Variants in MAU2 observed in about 807,000 individuals in gnomAD.
MAU2 encodes MAU2 chromatid cohesion factor homolog.
MAU2 carries 9 observed loss-of-function variants against 89.1 expected under a neutral mutation model. That is an observed-to-expected ratio of 0.10 (90% CI 0.06 to 0.18). The LOEUF (loss-of-function observed/expected upper bound fraction) is 0.18, where lower values mean the gene tolerates loss of function less well. MAU2 is among the 10% of genes least tolerant of loss of function. The pLI is 1.00. For missense variants in MAU2, 425 were observed against 803.5 expected, an observed-to-expected ratio of 0.53 and a Z score of 5.69; for synonymous variants, 357 against 343.4, an observed-to-expected ratio of 1.04 and a Z score of -0.44.
chr19:19,334,499 C>A, intron 1 of MAU2: 1 of 985,990 alleles, frequency 1.0e-6, no homozygotes, highest in Non-Finnish European at 1.2e-6. Flanking sequence ...AGCCCCAAGG[C>A]TGCCCCCAGC....
rs576677145 is a variant in MAU2 at position 19,353,977 on chromosome 19, G to A, written c.1549-378G>A. On this transcript the variant is annotated intron_variant, in intron 16 of 18. Transcript: ENST00000262815. ...TGGAAGACAAACCGGAGGGGCTGCTGCCCTTCTCAGAACCTGAAACCTGGA... is the reference window on the plus strand; with the variant it reads ...TGGAAGACAAACCGGAGGGGCTGCTACCCTTCTCAGAACCTGAAACCTGGA... 1.6e-5 allele frequency: 4 copies of A among 252,688 alleles called. No individual in the cohort carries two copies. The South Asian group carries it at 2.0e-4, about 13-fold the overall frequency. 15.7% of individuals were successfully genotyped at this position (252,688 alleles called of 1,614,324 possible). A position where few individuals can be genotyped will look rare whatever the true frequency, so the allele number is the denominator to read the frequency against.
Position 19,358,064 on chromosome 19 carries a change from G to T in MAU2, c.*2282G>T, listed in dbSNP as rs757949796. On this transcript the variant is annotated 3_prime_UTR_variant, in exon 19 of 19. Coordinates refer to ENST00000262815, the MANE Select transcript of MAU2 (RefSeq NM_015329.4). The stretch of plus-strand genomic sequence containing the variant: ...GACACTGCACTCCAGCCTGGGTGAC[G>T]GTGAGACTTTGTCTCAAAAAAAAAA... 1 of 150,794 alleles carries T rather than the reference G, an allele frequency of 6.6e-6. No individual in the cohort carries two copies. The highest frequency in any genetic ancestry group is 2.4e-5 in the African/African-American group (1 of 41,042). 9.3% of individuals were successfully genotyped at this position (150,794 alleles called of 1,614,324 possible). A position where few individuals can be genotyped will look rare whatever the true frequency, so the allele number is the denominator to read the frequency against.
At position 19,356,185 on chromosome 19, in the gene MAU2, G is replaced by T. The variant is rs570934102; in HGVS notation, c.*403G>T. The T allele has an allele frequency of 2.6e-6, 1 of 391,342 alleles. No individual in the cohort carries two copies. The highest frequency in any genetic ancestry group is 6.8e-5 in the East Asian group (1 of 14,610). 24.2% of individuals were successfully genotyped at this position (391,342 alleles called of 1,614,324 possible). A position where few individuals can be genotyped will look rare whatever the true frequency, so the allele number is the denominator to read the frequency against. On this transcript the variant is annotated 3_prime_UTR_variant, in exon 19 of 19. Coordinates refer to ENST00000262815, the MANE Select transcript of MAU2 (RefSeq NM_015329.4). Reference sequence around the variant, plus strand: ...TCTCCATCACCCAGGCCTTGATGCCGAGCGGGAGTAGAGTGTTTCCTCTGC... The same window carrying T: ...TCTCCATCACCCAGGCCTTGATGCCTAGCGGGAGTAGAGTGTTTCCTCTGC...
intron 7 of MAU2, 72 bp from the exon 8 acceptor site, chr19:19,342,463 G>C (rs910706099): frequency 8.0e-6 from 12 of 1,497,844 alleles, no homozygotes; most frequent in Non-Finnish European, 9.8e-6. Context: ...GAAGGAGCAG[G>C]GGTGGCTGGG....
At chr19:19,322,539 G>T (rs2061469957) in intron 1 of MAU2, among the ~76,000 whole-genome samples, 1 of 152,198 alleles carries the variant, frequency 6.6e-6, no homozygotes, top group Non-Finnish European at 1.5e-5. Context: ...GGTCGTGGCT[G>T]CAGTGAGCAG....
At chr19:19,338,460 C>T (rs973961518) in intron 4 of MAU2, among the ~76,000 whole-genome samples, 1 of 152,206 alleles carries the variant, frequency 6.6e-6, no homozygotes, top group South Asian at 2.1e-4. Flanking sequence ...TGAGGGAGTC[C>T]CTCCTTGTCG....
intron 7 of MAU2, 52 bp from the exon 8 acceptor site, chr19:19,342,483 G>A (rs1599913113): frequency 2.0e-6 from 3 of 1,507,988 alleles, no homozygotes; most frequent in East Asian, 4.6e-5. Context: ...GCTGGGCCTG[G>A]CTTCCTGAGA....
intron 2 of MAU2, 39 bp downstream of exon 2, chr19:19,335,774 T>A (rs1438577861): frequency 6.2e-7 from 1 of 1,606,232 alleles, no homozygotes; most frequent in Non-Finnish European, 8.5e-7. Flanking sequence ...TTTAAGGAAT[T>A]CTCCACTTAA....
At chr19:19,351,095 C>T (rs896592609) in intron 16 of MAU2, among the ~76,000 whole-genome samples, 7 of 151,824 alleles carry the variant, frequency 4.6e-5, no homozygotes, top group East Asian at 1.9e-4. Context: ...CAAGTTGGAG[C>T]GCAGTGGCAT....
intron 1 of MAU2, among the ~76,000 whole-genome samples, chr19:19,324,976 G>A (rs1384114930): frequency 6.6e-6 from 1 of 151,894 alleles, no homozygotes; most frequent in African/African-American, 2.4e-5. Flanking sequence ...TCCTTCCCCA[G>A]AGCTACTTAA....
chr19:19,355,457 G>A (rs1477328892), intron 18 of MAU2, 66 bp downstream of exon 18: 5 of 1,590,920 alleles, frequency 3.1e-6, no homozygotes, highest in African/African-American at 2.7e-5. Context: ...AGAGGAAGGG[G>A]CACCTTGGCT....
intron 1 of MAU2, among the ~76,000 whole-genome samples, chr19:19,323,701 C>T (rs2061483041): frequency 6.6e-6 from 1 of 151,788 alleles, no homozygotes; most frequent in African/African-American, 2.4e-5. Context: ...AAGACAAGGG[C>T]TTGAACTCCT....
At chr19:19,334,627 T>G (rs2061581894) in intron 1 of MAU2, 1 of 983,708 alleles carries the variant, frequency 1.0e-6, no homozygotes, top group Non-Finnish European at 1.2e-6. Flanking sequence ...CACCCCTGAC[T>G]GAGTCAGCTT....
intron 3 of MAU2, 42 bp from the exon 4 acceptor site, chr19:19,337,128 T>TC: frequency 6.7e-7 from 1 of 1,493,888 alleles, no homozygotes; most frequent in Non-Finnish European, 9.3e-7. Context: ...CGCCTTGTTT[T>TC]TTTTTTTTCT....
At chr19:19,339,233 A>G (rs1428149776) in intron 5 of MAU2, among the ~76,000 whole-genome samples, 1 of 152,122 alleles carries the variant, frequency 6.6e-6, no homozygotes, top group Non-Finnish European at 1.5e-5. Context: ...GAGGATCACG[A>G]GGTCAAGAGA....
At chr19:19,333,037 A>G (rs1882070919) in intron 1 of MAU2, among the ~76,000 whole-genome samples, 1 of 151,816 alleles carries the variant, frequency 6.6e-6, no homozygotes, top group Non-Finnish European at 1.5e-5. Context: ...AGATTATCCC[A>G]TTGCACTCCA....
At position 19,345,386 on chromosome 19, in the gene MAU2, CCTT is replaced by C; in HGVS notation, c.1221+18_1221+20del. The C allele has an allele frequency of 6.2e-7, 1 of 1,613,036 alleles. No homozygotes were observed. Among genetic ancestry groups the C allele is most frequent in the Non-Finnish European group, 8.5e-7 (1 of 1,179,750 alleles). On this transcript the variant is annotated intron_variant, in intron 12 of 18. Coordinates refer to ENST00000262815, the MANE Select transcript of MAU2 (RefSeq NM_015329.4). The surrounding 1 kb of genome is among the most constrained non-coding windows in gnomAD (Gnocchi z 4.9). ...GCCCTGCGGGTAAGGTGCCGGCCCT[CCTT>C]GCTGCTCGGGGCGGGCCACACTTCT... is the stretch of plus-strand genomic sequence containing the variant.
chr19:19,333,958 C>T (rs1407666364), intron 1 of MAU2, among the ~76,000 whole-genome samples: 1 of 152,200 alleles, frequency 6.6e-6, no homozygotes, highest in Non-Finnish European at 1.5e-5. Context: ...CACCAAATCT[C>T]AGGGTTCAGG....
At chr19:19,352,516 C>CTA (rs1318485117) in intron 16 of MAU2, 1 of 152,336 alleles carries the variant, frequency 6.6e-6, no homozygotes, top group Non-Finnish European at 1.5e-5. Flanking sequence ...CTAGAATGTG[C>CTA]TATCACCCTG....
Sources: gnomAD v4.1 joint callset for allele counts (sites outside exome capture counted in the v4.1 genomes callset) on GRCh38, gnomAD v4.1.1 for gene constraint, Gnocchi (gnomAD v3.1) non-coding constraint, MANE v1.5 for transcripts, NCBI Gene and HGNC (gene_info 2026-07-23, HGNC 2026-07-21) for gene names.